KCNK9: variants seen among roughly 807,000 people sequenced by gnomAD.
The protein encoded by KCNK9 is potassium channel subfamily K member 9.
KCNK9 carries 1 observed loss-of-function variant against 10.8 expected under a neutral mutation model. The ratio of observed to expected loss-of-function variants is 0.09; its 90% confidence interval spans 0.03 to 0.44. The LOEUF (loss-of-function observed/expected upper bound fraction) is 0.44. Ranked by LOEUF, KCNK9 falls within the 20% of genes least tolerant of loss-of-function variation. The pLI, the probability that KCNK9 is intolerant of heterozygous loss-of-function variation, is 0.97. For synonymous variants in KCNK9, 231 were observed against 222.7 expected, an observed-to-expected ratio of 1.04 and a Z score of -0.33; for missense variants, 303 against 515.0, an observed-to-expected ratio of 0.59 and a Z score of 3.98.
intron 1 of KCNK9, among the ~76,000 whole-genome samples, chr8:139,696,954 T>A (rs541158792): frequency 1.7e-4 from 24 of 141,058 alleles, no homozygotes; most frequent in African/African-American, 6.2e-4. Flanking sequence ...GGTGGGTGGA[T>A]GAATAGATGG....
chr8:139,633,477 G>A (rs1323307153), intron 1 of KCNK9, among the ~76,000 whole-genome samples: 5 of 152,168 alleles, frequency 3.3e-5, no homozygotes, highest in Non-Finnish European at 5.9e-5. Flanking sequence ...AAGGACACAC[G>A]ACTAATAGGT....
At chr8:139,642,374 A>G (rs527793104) in intron 1 of KCNK9, among the ~76,000 whole-genome samples, 35 of 152,358 alleles carry the variant, frequency 2.3e-4, no homozygotes, top group African/African-American at 8.2e-4. Context: ...CCAAAGCAAT[A>G]AAATTAAAAA....
At chr8:139,689,494 G>A (rs1299139339) in intron 1 of KCNK9, among the ~76,000 whole-genome samples, 1 of 152,178 alleles carries the variant, frequency 6.6e-6, no homozygotes, top group African/African-American at 2.4e-5. Flanking sequence ...GCTCATTGTG[G>A]GCAGGATGTA....
chr8:139,658,956 A>G (rs1816086157), intron 1 of KCNK9, among the ~76,000 whole-genome samples: 1 of 152,248 alleles, frequency 6.6e-6, no homozygotes, highest in Non-Finnish European at 1.5e-5. Context: ...TTGCTGAGGC[A>G]GTTGTGGAAG....
At chr8:139,687,149 C>G (rs920282124) in intron 1 of KCNK9, among the ~76,000 whole-genome samples, 2 of 151,542 alleles carry the variant, frequency 1.3e-5, no homozygotes, top group African/African-American at 4.9e-5. Context: ...AATGTAAGAG[C>G]CAAAGAAAAC....
downstream of KCNK9, chr8:139,615,764 A>G (rs1160942367): frequency 6.6e-6 from 1 of 152,040 alleles, no homozygotes; most frequent in East Asian, 1.9e-4. Flanking sequence ...TTAATCCTGT[A>G]GAAGAGAGAA....
chr8:139,695,836 C>T (rs563017539), intron 1 of KCNK9, among the ~76,000 whole-genome samples: 48 of 152,290 alleles, frequency 3.2e-4, no homozygotes, highest in African/African-American at 1.2e-3. Flanking sequence ...ATGTTTCCCT[C>T]ATCCTCTAGG....
intron 1 of KCNK9, among the ~76,000 whole-genome samples, chr8:139,663,170 C>T (rs1260048490): frequency 1.3e-5 from 2 of 152,118 alleles, no homozygotes; most frequent in Non-Finnish European, 1.5e-5. Context: ...CTGAAGCTTC[C>T]TCATGCACAC....
intron 1 of KCNK9, among the ~76,000 whole-genome samples, chr8:139,656,123 G>A (rs926565724): frequency 3.3e-5 from 5 of 152,214 alleles, no homozygotes; most frequent in African/African-American, 1.2e-4. Flanking sequence ...AGGTATGTAT[G>A]AGCCAGGTTG....
rs114670271 is a variant in KCNK9, at chr8:139,655,895, C to G, written c.284-36796G>C. Among the ~76,000 whole-genome samples, 1,128 of 152,288 alleles carry G rather than the reference C, an allele frequency of 7.4e-3. 10 individuals carry two copies. Among genetic ancestry groups the G allele is most frequent in the African/African-American group, 0.026 (1,082 of 41,564 alleles). ...GGGAGACAGAGCGATGCTGTGGAGC[C>G]TTGGGAATGTCCCTGGAGGCCCCCA... On this transcript the variant is annotated intron_variant, in intron 1 of 1. Transcript: ENST00000520439.
intron 1 of KCNK9, among the ~76,000 whole-genome samples, chr8:139,635,550 AC>A (rs1815311984): frequency 6.6e-6 from 1 of 152,358 alleles, no homozygotes; most frequent in South Asian, 2.1e-4. Context: ...AGAGTGAGAG[AC>A]CTAAACACAA....
intron 1 of KCNK9, among the ~76,000 whole-genome samples, chr8:139,675,876 C>G (rs1366771869): frequency 6.6e-6 from 1 of 152,190 alleles, no homozygotes; most frequent in Non-Finnish European, 1.5e-5. Context: ...CTCTTGGGCA[C>G]ACAGATAAAC....
At chr8:139,604,426 G>A (rs1366560089) in intron 2 of KCNK9, among the ~76,000 whole-genome samples, 1 of 152,102 alleles carries the variant, frequency 6.6e-6, no homozygotes, top group Non-Finnish European at 1.5e-5. Context: ...GGGAGGAGGT[G>A]GGGTGAAAAG....
intron 1 of KCNK9, among the ~76,000 whole-genome samples, chr8:139,640,769 C>T (rs1815482238): frequency 6.6e-6 from 1 of 152,242 alleles, no homozygotes; most frequent in Non-Finnish European, 1.5e-5. Context: ...CTACCGCCCT[C>T]TGGCTGAAAT....
At chr8:139,648,490 G>A (rs1049240761) in intron 1 of KCNK9, among the ~76,000 whole-genome samples, 7 of 152,224 alleles carry the variant, frequency 4.6e-5, no homozygotes, top group South Asian at 2.1e-4. Context: ...TGGCTGCCGC[G>A]TCACCCTGAC....
chr8:139,636,490 T>C (rs1444244918), intron 1 of KCNK9, among the ~76,000 whole-genome samples: 1 of 152,222 alleles, frequency 6.6e-6, no homozygotes, highest in Non-Finnish European at 1.5e-5. Flanking sequence ...CTATGGCCCT[T>C]TCCTTTCAGC....
At position 139,702,502 on chromosome 8, in the gene KCNK9, A is replaced by T. The variant is rs554544010; in HGVS notation, c.283+208T>A. Among the ~76,000 whole-genome samples, 1 of 152,194 alleles carries T rather than the reference A, an allele frequency of 6.6e-6. No individual in the cohort carries two copies. Among genetic ancestry groups the T allele is most frequent in the East Asian group, 1.9e-4 (1 of 5,146 alleles). ...CCCGGCCCAGACACCAGCGCGGTGGAGAGCACCGGGTGGGGTCCCCGAAGG... is the reference window on the plus strand; with the variant it reads ...CCCGGCCCAGACACCAGCGCGGTGGTGAGCACCGGGTGGGGTCCCCGAAGG... On this transcript the variant is annotated intron_variant, in intron 1 of 1. Transcript: ENST00000520439. The surrounding 1 kb of genome is among the most constrained non-coding windows in gnomAD (Gnocchi z 7.5).
intron 1 of KCNK9, 86 bp from the exon 2 acceptor site, chr8:139,619,185 G>T: frequency 6.9e-7 from 1 of 1,444,766 alleles, no homozygotes; most frequent in Non-Finnish European, 9.5e-7. Flanking sequence ...TTGGTGCAGT[G>T]CAGTGCAATG....
At chr8:139,631,878 G>C (rs529275839) in intron 1 of KCNK9, among the ~76,000 whole-genome samples, 9 of 152,286 alleles carry the variant, frequency 5.9e-5, no homozygotes, top group Middle Eastern at 3.4e-3. Context: ...TTTTGTTTCT[G>C]CTGGATTCTC....
Sources: gnomAD v4.1 joint callset for allele counts (sites outside exome capture counted in the v4.1 genomes callset) on GRCh38, gnomAD v4.1.1 for gene constraint, Gnocchi (gnomAD v3.1) non-coding constraint, MANE v1.5 for transcripts, NCBI Gene and HGNC (gene_info 2026-07-23, HGNC 2026-07-21) for gene names.